RFX3: variants seen among roughly 807,000 people sequenced by gnomAD.
RFX3 encodes the protein regulatory factor X3.
A neutral mutation model predicts 98.6 loss-of-function variants in RFX3; 14 were observed. That is an observed-to-expected ratio of 0.14 (90% confidence interval 0.09 to 0.22). The LOEUF is 0.22. Ranked by LOEUF, RFX3 falls within the 10% of genes least tolerant of loss-of-function variation. The pLI, the probability that RFX3 is intolerant of heterozygous loss-of-function variation, is 1.00. For missense variants in RFX3, 639 were observed against 926.9 expected, an observed-to-expected ratio of 0.69 and a Z score of 4.03; for synonymous variants, 383 against 328.4, an observed-to-expected ratio of 1.17 and a Z score of -1.80.
chr9:3,368,729 C>G (rs912285582), intron 2 of RFX3, among the ~76,000 whole-genome samples: 1 of 152,186 alleles, frequency 6.6e-6, no homozygotes, highest in South Asian at 2.1e-4. Context: ...CACCTAAAAT[C>G]TATCACCCAC....
intron 4 of RFX3, among the ~76,000 whole-genome samples, chr9:3,328,785 G>T (rs1192361071): frequency 6.6e-6 from 1 of 152,024 alleles, no homozygotes; most frequent in Non-Finnish European, 1.5e-5. Context: ...ATATCCTGGA[G>T]AAAATCCATA....
At chr9:3,363,346 G>C (rs1836678642) in intron 2 of RFX3, among the ~76,000 whole-genome samples, 1 of 152,144 alleles carries the variant, frequency 6.6e-6, no homozygotes, top group Non-Finnish European at 1.5e-5. Flanking sequence ...CAACTCTAGA[G>C]AGACCATAAG....
At chr9:3,381,642 A>C (rs1288778013) in intron 2 of RFX3, among the ~76,000 whole-genome samples, 1 of 152,016 alleles carries the variant, frequency 6.6e-6, no homozygotes, top group Non-Finnish European at 1.5e-5. Flanking sequence ...CATTCATCAT[A>C]TTTTCTTATA....
intron 1 of RFX3, among the ~76,000 whole-genome samples, chr9:3,414,932 GTATA>G (rs907459113): frequency 7.6e-6 from 1 of 132,236 alleles, no homozygotes; most frequent in Non-Finnish European, 1.6e-5. Context: ...TCATATGTGT[GTATA>G]TATATACACA....
rs1461361288 is a variant in RFX3, at chr9:3,271,015, A to T, written c.1190T>A (p.Ile397Asn). ...TGTTGATTCTGACCTCGATTCGGTA[A>T]TGGTAGTGCCATCAGTTGGAGTAGA... ...SPSTPTDGTT[I>N]TESSNLSEIE... The change falls in exon 10 of 17, where the codon ATT (isoleucine) becomes AAT (asparagine). Residue 397 changes from isoleucine (I) to asparagine (N), a missense_variant. Around this residue, in one of 9 missense-constraint regions of RFX3, gnomAD observed 30 missense variants for 23.0 expected, o/e 1.30. Coordinates refer to ENST00000617270, the MANE Select transcript of RFX3 (RefSeq NM_001282116.2). 6.2e-7 allele frequency: 1 copy of T among 1,613,714 alleles called. No individual in the cohort carries two copies. Among genetic ancestry groups the T allele is most frequent in the East Asian group, 2.2e-5 (1 of 44,826 alleles).
intron 7 of RFX3, among the ~76,000 whole-genome samples, chr9:3,280,706 C>T (rs1485809583): frequency 6.6e-6 from 1 of 151,584 alleles, no homozygotes; most frequent in East Asian, 1.9e-4. Context: ...GGTAGTTTTT[C>T]AAAAAATTCA....
rs997639397 is a variant in RFX3, at chr9:3,288,168, T to C, written c.814A>G (p.Met272Val). The C allele has an allele frequency of 1.9e-6, 3 of 1,612,914 alleles. No individual in the cohort carries two copies. Among genetic ancestry groups the C allele is most frequent in the Non-Finnish European group, 2.5e-6 (3 of 1,179,052 alleles). The part of the protein sequence containing the change: ...LNRLQEDMQY[M>V]AMRQQPMQQK... Reference sequence around the variant, plus strand: ...TGCATGGGTTGTTGTCTCATAGCCATATACTGCATGTCTTCTTGCAGACGA... The same window carrying C: ...TGCATGGGTTGTTGTCTCATAGCCACATACTGCATGTCTTCTTGCAGACGA... The change falls in exon 7 of 17, where the codon ATG becomes GTG. Residue 272 changes from methionine to valine, a missense_variant. Transcript: ENST00000617270.
chr9:3,288,788 G>A (rs960366382), intron 6 of RFX3, among the ~76,000 whole-genome samples: 1 of 151,974 alleles, frequency 6.6e-6, no homozygotes, highest in Non-Finnish European at 1.5e-5. Context: ...AAAATGTTGT[G>A]GTAAAGACTT....
chr9:3,256,755 G>C (rs907321688), intron 14 of RFX3, among the ~76,000 whole-genome samples: 1 of 152,136 alleles, frequency 6.6e-6, no homozygotes, highest in South Asian at 2.1e-4. Flanking sequence ...GGACATGTAG[G>C]GCTTTGAGCA....
chr9:3,292,100 A>AAAAAAAAAAAAAAAAAAC (rs1827457239), intron 6 of RFX3, among the ~76,000 whole-genome samples: 2 of 120,216 alleles, frequency 1.7e-5, no homozygotes, highest in African/African-American at 6.2e-5. Flanking sequence ...AAAAAAAAAA[A>AAAAAAAAAAAAAAAAAAC]CTCTTTACGA....
At chr9:3,346,043 T>TA (rs1222511708) in intron 3 of RFX3, among the ~76,000 whole-genome samples, 36 of 152,158 alleles carry the variant, frequency 2.4e-4, no homozygotes, top group Admixed American at 2.2e-3. Flanking sequence ...CCTTGCGACT[T>TA]ACAATAATTC....
chr9:3,339,315 C>T (rs1833589811), intron 3 of RFX3, among the ~76,000 whole-genome samples: 1 of 151,952 alleles, frequency 6.6e-6, no homozygotes, highest in South Asian at 2.1e-4. Flanking sequence ...TAAATATGGA[C>T]TGAAATCAAT....
chr9:3,270,992 T>G lies in RFX3; in HGVS notation c.1202+11A>C, dbSNP rs749553846. ...CCATGAAAATGAATTGGAAAAGATG[T>G]TGATTCTGACCTCGATTCGGTAATG... On this transcript the variant is annotated intron_variant, in intron 10 of 16. Transcript: ENST00000617270. 3.7e-6 allele frequency: 6 copies of G among 1,613,754 alleles called. No homozygotes were observed. Among genetic ancestry groups the G allele is most frequent in the Non-Finnish European group, 5.1e-6 (6 of 1,179,736 alleles).
chr9:3,404,073 T>C (rs904695851), intron 1 of RFX3, among the ~76,000 whole-genome samples: 5 of 152,170 alleles, frequency 3.3e-5, no homozygotes, highest in Non-Finnish European at 7.4e-5. Context: ...TAATACTGTA[T>C]AATAACATTG....
In RFX3 at chr9:3,271,033, G is replaced by T; in HGVS notation, c.1172C>A (p.Pro391Gln). ...TTCGGTAATGGTAGTGCCATCAGTT[G>T]GAGTAGAGGGAGAATAGCGCCAGAA... ...QTFWRYSPSTPTDGTTITESS... is the reference protein window; with the variant it reads ...QTFWRYSPSTQTDGTTITESS... The change falls in exon 10 of 17, where the codon CCA (proline) becomes CAA (glutamine). Residue 391 changes from proline to glutamine, a missense_variant. Transcript: ENST00000617270. 1.2e-6 allele frequency: 2 copies of T among 1,613,572 alleles called. No individual in the cohort carries two copies. Among genetic ancestry groups the T allele is most frequent in the African/African-American group, 2.7e-5 (2 of 75,014 alleles).
At chr9:3,473,859 A>C (rs907325662) in intron 1 of RFX3, among the ~76,000 whole-genome samples, 4 of 152,252 alleles carry the variant, frequency 2.6e-5, no homozygotes, top group African/African-American at 9.6e-5. Flanking sequence ...GATAAAGGCA[A>C]GTCACTGCAA....
chr9:3,267,094 G>GA (rs983722963), intron 11 of RFX3, among the ~76,000 whole-genome samples: 3 of 151,908 alleles, frequency 2.0e-5, no homozygotes, highest in Admixed American at 2.0e-4. Context: ...TATTTTATAA[G>GA]AAAAAATCTG....
At chr9:3,379,303 G>T (rs1017784509) in intron 2 of RFX3, among the ~76,000 whole-genome samples, 5 of 152,170 alleles carry the variant, frequency 3.3e-5, no homozygotes, top group African/African-American at 1.2e-4. Flanking sequence ...CAATCAAGAA[G>T]GCTTCCCTGG....
intron 14 of RFX3, among the ~76,000 whole-genome samples, chr9:3,250,104 A>G (rs1227780071): frequency 6.6e-6 from 1 of 151,952 alleles, no homozygotes; most frequent in African/African-American, 2.4e-5. Context: ...ATGAAAATAA[A>G]TATTTCTATT....
Sources: allele counts gnomAD v4.1 joint callset (sites outside exome capture counted in the v4.1 genomes callset), GRCh38; gene constraint gnomAD v4.1.1; regional missense constraint gnomAD v4.1.1; transcripts MANE v1.5; gene names NCBI Gene and HGNC (gene_info 2026-07-23, HGNC 2026-07-21).